The following BTRC variants were observed in gnomAD, a reference collection of about 807,000 sequenced individuals.
BTRC encodes the protein F-box/WD repeat-containing protein 1A.
Under a neutral mutation model 85.5 loss-of-function variants are expected in BTRC, and 42 were observed. The observed-to-expected ratio is 0.49, with a 90% CI of 0.38 to 0.64. BTRC has a LOEUF of 0.64. Among genes scored for constraint, BTRC ranks in the 30% least tolerant of loss-of-function variants. The pLI is 0.00. For missense variants in BTRC, 594 were observed against 743.5 expected, an observed-to-expected ratio of 0.80 and a Z score of 2.34; for synonymous variants, 255 against 263.3, an observed-to-expected ratio of 0.97 and a Z score of 0.30.
intron 1 of BTRC, among the ~76,000 whole-genome samples, chr10:101,388,630 C>T (rs1375023286): frequency 1.3e-5 from 2 of 152,082 alleles, no homozygotes; most frequent in African/African-American, 2.4e-5. Flanking sequence ...GCTGGGACTA[C>T]GGGTGCCCAC....
intron 1 of BTRC, among the ~76,000 whole-genome samples, chr10:101,366,908 T>TTATATATA (rs1564730207): frequency 5.3e-4 from 10 of 18,874 alleles, no homozygotes; most frequent in African/African-American, 7.8e-4. Context: ...TTATATATAT[T>TTATATATA]AATATATATT....
At chr10:101,532,821 C>A (rs1220427295) in intron 8 of BTRC, 131 bp from the exon 9 acceptor site, 3 of 616,484 alleles carry the variant, frequency 4.9e-6, no homozygotes, top group Non-Finnish European at 5.6e-6. Flanking sequence ...CTTAGCTATA[C>A]CTATAGAAAA....
At chr10:101,485,199 A>G (rs879939258) in intron 4 of BTRC, among the ~76,000 whole-genome samples, 5 of 152,246 alleles carry the variant, frequency 3.3e-5, no homozygotes, top group Non-Finnish European at 7.3e-5. Flanking sequence ...GACTTAAAAA[A>G]AAAAGTCCAG....
intron 1 of BTRC, among the ~76,000 whole-genome samples, chr10:101,356,878 T>TC (rs1942049327): frequency 6.6e-6 from 1 of 152,038 alleles, no homozygotes. Context: ...ATGCCTGTAA[T>TC]CCAGGACTTT....
chr10:101,382,866 C>G (rs1942971006), intron 1 of BTRC, among the ~76,000 whole-genome samples: 1 of 151,916 alleles, frequency 6.6e-6, no homozygotes, highest in Admixed American at 6.6e-5. Flanking sequence ...GCTTTATCCT[C>G]TTTATTTCAT....
intron 4 of BTRC, among the ~76,000 whole-genome samples, chr10:101,515,256 G>T (rs1014146824): frequency 2.7e-5 from 4 of 148,438 alleles, no homozygotes; most frequent in African/African-American, 9.9e-5. Flanking sequence ...ACACCTAACC[G>T]TTTTTTTTAT....
intron 1 of BTRC, among the ~76,000 whole-genome samples, chr10:101,367,745 C>T (rs1302021236): frequency 3.3e-5 from 5 of 152,102 alleles, no homozygotes; most frequent in Non-Finnish European, 7.4e-5. Context: ...CCACATTGTT[C>T]GTAAGATGAT....
intron 1 of BTRC, among the ~76,000 whole-genome samples, chr10:101,356,648 T>C (rs1368954858): frequency 5.3e-5 from 8 of 152,170 alleles, no homozygotes; most frequent in Non-Finnish European, 1.0e-4. Context: ...TGGCTGCCAT[T>C]TGAGAAAAGG....
In BTRC at chr10:101,355,129, C is replaced by T. The variant is rs1941997020; in HGVS notation, c.48+901C>T. Among the ~76,000 whole-genome samples the T allele has an allele frequency of 2.6e-5, 4 of 151,866 alleles. No individual in the cohort carries two copies. In the South Asian group the frequency reaches 6.2e-4, roughly 24 times the overall value. On this transcript the variant is annotated intron_variant, in intron 1 of 14. Coordinates refer to ENST00000370187, the MANE Select transcript of BTRC (RefSeq NM_033637.4). ...CAAAATTTAAAGGTAAATTGTGGGA[C>T]GGTAAAATGTGGAGGCCAGGTGCTT...
At chr10:101,390,697 G>A (rs1266851726) in intron 1 of BTRC, among the ~76,000 whole-genome samples, 2 of 151,556 alleles carry the variant, frequency 1.3e-5, no homozygotes, top group African/African-American at 2.4e-5. Flanking sequence ...ATTTGAGAAA[G>A]TACAAAATAA....
At chr10:101,356,689 C>T (rs1942044100) in intron 1 of BTRC, among the ~76,000 whole-genome samples, 1 of 152,118 alleles carries the variant, frequency 6.6e-6, no homozygotes, top group African/African-American at 2.4e-5. Context: ...AGAATGACAC[C>T]TTAATAAAAG....
chr10:101,381,952 C>T (rs1253304012), intron 1 of BTRC, among the ~76,000 whole-genome samples: 6 of 136,694 alleles, frequency 4.4e-5, no homozygotes, highest in African/African-American at 1.5e-4. Context: ...CCTAGTTATC[C>T]TAAGAATGTC....
chr10:101,482,935 G>A (rs1945879983), intron 4 of BTRC, among the ~76,000 whole-genome samples: 1 of 152,144 alleles, frequency 6.6e-6, no homozygotes, highest in Non-Finnish European at 1.5e-5. Flanking sequence ...GAGAACAACT[G>A]TAATATTGTG....
chr10:101,454,545 G>A (rs1295670172), intron 2 of BTRC, among the ~76,000 whole-genome samples: 1 of 152,056 alleles, frequency 6.6e-6, no homozygotes, highest in East Asian at 1.9e-4. Context: ...TTTGGGAAAC[G>A]GAGGTGGGAG....
chr10:101,535,033 T>C (rs2062365124), intron 10 of BTRC, 123 bp downstream of exon 10: 13 of 1,158,886 alleles, frequency 1.1e-5, no homozygotes, highest in Non-Finnish European at 1.5e-5. Context: ...ATTCAGAGAC[T>C]AGTCTACAAG....
chr10:101,501,464 C>T (rs1227357178), intron 4 of BTRC, among the ~76,000 whole-genome samples: 1 of 152,140 alleles, frequency 6.6e-6, no homozygotes, highest in South Asian at 2.1e-4. Context: ...TCTTTAGCAT[C>T]GTGTTGCCTC....
chr10:101,551,340 A>G (rs2134485243), intron 14 of BTRC: 1 of 153,434 alleles, frequency 6.5e-6, no homozygotes, highest in South Asian at 2.1e-4. Flanking sequence ...TCACACTGAC[A>G]TATAAATAAA....
chr10:101,389,676 A>T lies in BTRC; in HGVS notation c.48+35448A>T, dbSNP rs564398792. Among the ~76,000 whole-genome samples, 275 of 124,550 alleles carry T rather than the reference A, an allele frequency of 2.2e-3. 2 individuals are homozygous for T. Among genetic ancestry groups the T allele is most frequent in the Non-Finnish European group, 3.1e-3 (201 of 64,132 alleles). 81.7% of individuals were successfully genotyped at this position (124,550 alleles called of 152,430 possible). ...TCTCTGTTGCCCAGGCTGGAGTGCC[A>T]TGGAATAAACACAGCACAGCTCACT... On this transcript the variant is annotated intron_variant, in intron 1 of 14. Transcript: ENST00000370187.
chr10:101,410,461 A>G (rs1479764427), intron 1 of BTRC, among the ~76,000 whole-genome samples: 2 of 152,104 alleles, frequency 1.3e-5, no homozygotes, highest in African/African-American at 4.8e-5. Context: ...CTAAAAATAC[A>G]AATATTAGCC....
Sources: allele counts gnomAD v4.1 joint callset (sites outside exome capture counted in the v4.1 genomes callset), GRCh38; gene constraint gnomAD v4.1.1; transcripts MANE v1.5; gene names NCBI Gene and HGNC (gene_info 2026-07-23, HGNC 2026-07-21).